Variants in SARDH observed in about 807,000 individuals in gnomAD.
SARDH encodes sarcosine dehydrogenase.
In SARDH, 95 loss-of-function variants were observed where a neutral mutation model predicts 109.1. The ratio of observed to expected loss-of-function variants is 0.87; its 90% confidence interval spans 0.74 to 1.03. SARDH has a LOEUF of 1.03. Among genes scored for constraint, SARDH ranks in the 50% least tolerant of loss-of-function variants. The pLI is 0.00. For synonymous variants in SARDH, 572 were observed against 534.8 expected (o/e 1.07, Z -0.96); for missense variants, 1,267 against 1,287.8 (o/e 0.98, Z 0.25).
chr9:133,692,330 G>T lies in SARDH; in HGVS notation c.1922-1803C>A, dbSNP rs145081184. On this transcript the variant is annotated intron_variant, in intron 15 of 20. Coordinates refer to ENST00000439388, the MANE Select transcript of SARDH (RefSeq NM_001134707.2). The surrounding 1 kb of genome is among the most constrained non-coding windows in gnomAD (Gnocchi z 5.0). ...CTCCCTAGCTAGACTCACTAAGTCTGCGGCTATGGGCTGTGCCTGGGCCGC... is the reference window on the plus strand; with the variant it reads ...CTCCCTAGCTAGACTCACTAAGTCTTCGGCTATGGGCTGTGCCTGGGCCGC... Among the ~76,000 whole-genome samples the T allele has an allele frequency of 7.2e-5, 11 of 152,220 alleles. No individual in the cohort carries two copies. The highest frequency in any genetic ancestry group is 2.6e-4 in the African/African-American group (11 of 41,532).
chr9:133,728,960 A>G lies in SARDH; in HGVS notation c.915+805T>C, dbSNP rs1298952124. Among the ~76,000 whole-genome samples the G allele has an allele frequency of 2.0e-5, 3 of 149,668 alleles. No homozygotes were observed. Among genetic ancestry groups the G allele is most frequent in the African/African-American group, 7.3e-5 (3 of 40,942 alleles). On this transcript the variant is annotated intron_variant, in intron 6 of 20. Coordinates refer to ENST00000439388, the MANE Select transcript of SARDH (RefSeq NM_001134707.2). The surrounding 1 kb of genome is among the most constrained non-coding windows in gnomAD (Gnocchi z 5.0). ...TGTGGATAAATAGATGAATAGATAG[A>G]TGGAGAGATGGAGGACGGAAGAATG...
intron 16 of SARDH, among the ~76,000 whole-genome samples, chr9:133,687,465 G>A (rs1434840940): frequency 6.6e-6 from 1 of 152,054 alleles, no homozygotes; most frequent in Non-Finnish European, 1.5e-5. Context: ...TGTTTTTTTA[G>A]AGATAGGATC....
chr9:133,683,525 G>A (rs1353663205), intron 17 of SARDH, among the ~76,000 whole-genome samples: 1 of 152,242 alleles, frequency 6.6e-6, no homozygotes, highest in Non-Finnish European at 1.5e-5. Flanking sequence ...CGTGTGGCCT[G>A]GATCCAGCTG....
chr9:133,662,446 G>C (rs1288962585), downstream of SARDH, among the ~76,000 whole-genome samples: 1 of 152,080 alleles, frequency 6.6e-6, no homozygotes, highest in Non-Finnish European at 1.5e-5. The surrounding 1 kb of genome is among the most constrained non-coding windows in gnomAD (Gnocchi z 5.1). Flanking sequence ...CCACAAAGCT[G>C]TCTCATCCAG....
chr9:133,732,659 C>T (rs1442326252), intron 2 of SARDH, 58 bp from the exon 3 acceptor site: 6 of 1,522,988 alleles, frequency 3.9e-6, no homozygotes, highest in Non-Finnish European at 4.4e-6. Flanking sequence ...CTCCTTCCCC[C>T]AGACGAATAT....
chr9:133,710,704 T>C (rs1230750867), intron 10 of SARDH, among the ~76,000 whole-genome samples: 4 of 152,262 alleles, frequency 2.6e-5, no homozygotes, highest in Non-Finnish European at 2.9e-5. Flanking sequence ...CTGTGTCTTG[T>C]CTCAGTCCCC....
intron 20 of SARDH, among the ~76,000 whole-genome samples, chr9:133,664,838 G>A (rs1280722224): frequency 6.6e-6 from 1 of 152,204 alleles, no homozygotes; most frequent in Non-Finnish European, 1.5e-5. Flanking sequence ...TGAGAGCTCT[G>A]AGCTGCCCCC....
At chr9:133,702,618 G>T (rs1340704367) in intron 13 of SARDH, among the ~76,000 whole-genome samples, 2 of 152,192 alleles carry the variant, frequency 1.3e-5, no homozygotes, top group African/African-American at 4.8e-5. Context: ...GGCTCAGAGC[G>T]GTGCAGCCCC....
rs1588410755 is a variant in SARDH at position 133,692,516 on chromosome 9, A to G, written c.1921+1742T>C. Among the ~76,000 whole-genome samples the G allele has an allele frequency of 1.3e-5, 2 of 152,064 alleles. No individual in the cohort carries two copies. The highest frequency in any genetic ancestry group is 1.3e-4 in the Admixed American group (2 of 15,278). On this transcript the variant is annotated intron_variant, in intron 15 of 20. Transcript: ENST00000439388. This position sits in a 1 kb window ranked among gnomAD's most constrained non-coding sequence, Gnocchi z 5.0. The stretch of plus-strand genomic sequence containing the variant: ...GCCAGTGGCTCCTCCCCATCCTTCC[A>G]AGCTCAGGCCGGCCCTCTCCTCCAG...
At chr9:133,724,676 T>C (rs1377586872) in intron 6 of SARDH, among the ~76,000 whole-genome samples, 1 of 152,218 alleles carries the variant, frequency 6.6e-6, no homozygotes, top group Non-Finnish European at 1.5e-5. Flanking sequence ...AGACTGAGTA[T>C]TCCTTATCTG....
intron 17 of SARDH, among the ~76,000 whole-genome samples, chr9:133,674,052 G>A (rs899477834): frequency 1.3e-5 from 2 of 152,240 alleles, no homozygotes; most frequent in African/African-American, 4.8e-5. Flanking sequence ...TCCTGCCAAA[G>A]AGAGGGAGGC....
intron 8 of SARDH, among the ~76,000 whole-genome samples, chr9:133,715,389 G>A (rs954627344): frequency 6.6e-6 from 1 of 152,182 alleles, no homozygotes; most frequent in Non-Finnish European, 1.5e-5. Context: ...ATTCTTCCGG[G>A]CCTGTGTTTC....
rs551842610 is a variant in SARDH at position 133,716,981 on chromosome 9, T to C, written c.1150+345A>G. On this transcript the variant is annotated intron_variant, in intron 8 of 20. Coordinates refer to ENST00000439388, the MANE Select transcript of SARDH (RefSeq NM_001134707.2). ...AGGGTGCTGGGATGTGGCCCGCTAT[T>C]CCCATTTTACAGATGAAAACACAGA... Among the ~76,000 whole-genome samples the C allele has an allele frequency of 6.6e-5, 10 of 152,230 alleles. No individual in the cohort carries two copies. The East Asian group carries it at 1.9e-3, about 29-fold the overall frequency.
chr9:133,661,896 G>A (rs757639536), downstream of SARDH, among the ~76,000 whole-genome samples: 49 of 152,156 alleles, frequency 3.2e-4, no homozygotes, highest in Non-Finnish European at 4.6e-4. Flanking sequence ...GCTACGAAAC[G>A]GTGTTTTTAA....
At chr9:133,710,831 C>T (rs1352281294) in intron 10 of SARDH, among the ~76,000 whole-genome samples, 1 of 152,254 alleles carries the variant, frequency 6.6e-6, no homozygotes, top group Admixed American at 6.5e-5. Context: ...TTGGAAGCCC[C>T]ACGTCAGTGA....
upstream of SARDH, among the ~76,000 whole-genome samples, chr9:133,739,198 TCTC>T (rs1464010082): frequency 2.0e-5 from 3 of 152,120 alleles, no homozygotes; most frequent in Admixed American, 6.5e-5. Flanking sequence ...GAAAGTCACA[TCTC>T]CTCCTCGCGC....
At position 133,708,223 on chromosome 9, in the gene SARDH, C is replaced by T. The variant is rs1039563321; in HGVS notation, c.1470+64G>A. The T allele has an allele frequency of 3.6e-5, 56 of 1,539,310 alleles. No homozygotes were observed. In the African/African-American group the frequency reaches 5.5e-4, roughly 15 times the overall value. On this transcript the variant is annotated intron_variant, in intron 11 of 20. Transcript: ENST00000439388. The stretch of plus-strand genomic sequence containing the variant: ...GGTACACCTTGCATTTCTGTCACTC[C>T]GCTGCCCTGAGGACGTCCCAGACCC...
At chr9:133,685,506 C>G (rs530214696) in intron 16 of SARDH, among the ~76,000 whole-genome samples, 146 of 152,314 alleles carry the variant, frequency 9.6e-4, no homozygotes, top group Non-Finnish European at 1.3e-3. Flanking sequence ...TAGCAGGACC[C>G]CTGGGGGAGG....
intron 16 of SARDH, among the ~76,000 whole-genome samples, chr9:133,688,473 T>TGC (rs1830968221): frequency 6.6e-6 from 1 of 152,028 alleles, no homozygotes; most frequent in South Asian, 2.1e-4. Context: ...CTGGCATCCC[T>TGC]GCCTCGCCTG....
Sources: gnomAD v4.1 joint callset for allele counts (sites outside exome capture counted in the v4.1 genomes callset) on GRCh38, gnomAD v4.1.1 for gene constraint, Gnocchi (gnomAD v3.1) non-coding constraint, MANE v1.5 for transcripts, NCBI Gene and HGNC (gene_info 2026-07-23, HGNC 2026-07-21) for gene names.